The following ENAH variants were observed in gnomAD, a reference collection of about 807,000 sequenced individuals.
ENAH encodes protein enabled homolog.
A neutral mutation model predicts 78.7 loss-of-function variants in ENAH; 23 were observed. The observed-to-expected ratio is 0.29, with a 90% CI of 0.21 to 0.41. The LOEUF is 0.41. ENAH is among the 10% of genes least tolerant of loss of function. ENAH has a pLI of 1.00. For synonymous variants in ENAH, 226 were observed against 241.0 expected (o/e 0.94, Z 0.58); for missense variants, 544 against 691.0 (o/e 0.79, Z 2.39).
At chr1:225,639,922 C>T (rs1660735918) in intron 1 of ENAH, among the ~76,000 whole-genome samples, 1 of 152,156 alleles carries the variant, frequency 6.6e-6, no homozygotes, top group Non-Finnish European at 1.5e-5. Context: ...TCTACCTTAC[C>T]TCTGGACCTC....
intron 2 of ENAH, among the ~76,000 whole-genome samples, chr1:225,562,275 A>G (rs1003954751): frequency 3.3e-5 from 5 of 151,840 alleles, no homozygotes; most frequent in Admixed American, 2.0e-4. Flanking sequence ...GATATTCTAT[A>G]TAAAACCCAA....
At chr1:225,645,177 T>C (rs1331381472) in intron 1 of ENAH, among the ~76,000 whole-genome samples, 2 of 152,208 alleles carry the variant, frequency 1.3e-5, no homozygotes, top group African/African-American at 4.8e-5. Context: ...ATTCAAAATA[T>C]TAATCCAAAG....
At chr1:225,624,216 T>C (rs1342312031) in intron 1 of ENAH, among the ~76,000 whole-genome samples, 13 of 152,066 alleles carry the variant, frequency 8.5e-5, no homozygotes, top group East Asian at 1.9e-4. Context: ...GGCAGGAGAA[T>C]TGCTTAAGGC....
Position 225,520,547 on chromosome 1 carries a change from C to T in ENAH, c.435-982G>A, listed in dbSNP as rs940160233. Reference sequence around the variant, plus strand: ...TCCCGCTACTGTGAAATCTGCTTTCCTTTCTCTCACTTAATATATTGTGAA... The same window carrying T: ...TCCCGCTACTGTGAAATCTGCTTTCTTTTCTCTCACTTAATATATTGTGAA... On this transcript the variant is annotated intron_variant, in intron 4 of 13. Transcript: ENST00000366843. 7.9e-5 allele frequency among the ~76,000 whole-genome samples: 12 copies of T among 152,158 alleles called. No individual in the cohort carries two copies. In the East Asian group the frequency reaches 2.3e-3, roughly 30 times the overall value.
chr1:225,590,526 A>T (rs2096870489), intron 1 of ENAH, among the ~76,000 whole-genome samples: 1 of 152,178 alleles, frequency 6.6e-6, no homozygotes, highest in Admixed American at 6.5e-5. Flanking sequence ...AAACTCACAT[A>T]AACAGCTGCC....
At chr1:225,588,728 A>G (rs2096859687) in intron 1 of ENAH, among the ~76,000 whole-genome samples, 1 of 149,402 alleles carries the variant, frequency 6.7e-6, no homozygotes, top group African/African-American at 2.5e-5. Flanking sequence ...TCGCCTGAAC[A>G]TGGGAGGCGG....
At chr1:225,599,796 TAAA>T (rs34052384) in intron 1 of ENAH, among the ~76,000 whole-genome samples, 9 of 83,008 alleles carry the variant, frequency 1.1e-4, no homozygotes, top group East Asian at 6.3e-4. Context: ...GACTCCGTCT[TAAA>T]AAAAAAAAAA....
At chr1:225,574,329 G>A (rs1026148306) in intron 1 of ENAH, among the ~76,000 whole-genome samples, 14 of 152,112 alleles carry the variant, frequency 9.2e-5, no homozygotes, top group Admixed American at 5.9e-4. Flanking sequence ...GGCCAGGCGC[G>A]GTGGCTCACA....
chr1:225,623,306 C>G (rs578047883), intron 1 of ENAH, among the ~76,000 whole-genome samples: 3 of 152,242 alleles, frequency 2.0e-5, no homozygotes, highest in Admixed American at 1.3e-4. Flanking sequence ...TCCTCTAAGG[C>G]TGTTAGATTA....
chr1:225,511,651 A>G (rs527856103), intron 10 of ENAH, among the ~76,000 whole-genome samples, 160 bp downstream of exon 10: 88 of 152,340 alleles, frequency 5.8e-4, no homozygotes, highest in African/African-American at 2.1e-3. Flanking sequence ...AGCAGCTTCC[A>G]GGAGGAAAAA....
chr1:225,588,293 T>C (rs907640208), intron 1 of ENAH, among the ~76,000 whole-genome samples: 1 of 152,114 alleles, frequency 6.6e-6, no homozygotes, highest in Non-Finnish European at 1.5e-5. Context: ...TTTCTGAAAC[T>C]CCAACAACCA....
intron 12 of ENAH, among the ~76,000 whole-genome samples, chr1:225,499,667 G>A (rs1430857846): frequency 6.6e-6 from 1 of 152,056 alleles, no homozygotes; most frequent in Non-Finnish European, 1.5e-5. Context: ...GTGAGACTCT[G>A]TCTCAAAAAC....
At chr1:225,601,323 A>T (rs1320274481) in intron 1 of ENAH, among the ~76,000 whole-genome samples, 1 of 152,190 alleles carries the variant, frequency 6.6e-6, no homozygotes, top group African/African-American at 2.4e-5. Flanking sequence ...GATTGAGACC[A>T]TCCTGGCTAA....
Position 225,585,215 on chromosome 1 carries a change from CAAAAAAAAAAAA to C in ENAH, c.6-17813_6-17802del, listed in dbSNP as rs58586397. 1.4e-3 allele frequency among the ~76,000 whole-genome samples: 68 copies of C among 49,934 alleles called. 1 individual carries two copies. Among genetic ancestry groups the C allele is most frequent in the South Asian group, 3.8e-3 (3 of 784 alleles). The allele number at this position is 49,934 out of a possible 152,430, so 32.8% of individuals were successfully genotyped here. ...TGGGCGACGGAGTGATACCCTGTCT[CAAAAAAAAAAAA>C]AAAAAAAAAAAAAAAAAAAACAGAG... On this transcript the variant is annotated intron_variant, in intron 1 of 13. Transcript: ENST00000366843.
At chr1:225,557,111 T>A (rs1006538393) in intron 2 of ENAH, among the ~76,000 whole-genome samples, 1 of 152,218 alleles carries the variant, frequency 6.6e-6, no homozygotes, top group Non-Finnish European at 1.5e-5. Context: ...TTGGCTCTTC[T>A]CAGTCCTTTG....
At chr1:225,520,738 C>T (rs957644609) in intron 4 of ENAH, among the ~76,000 whole-genome samples, 1 of 152,092 alleles carries the variant, frequency 6.6e-6, no homozygotes, top group Non-Finnish European at 1.5e-5. Flanking sequence ...CACCTGTATT[C>T]CCAGCTACTT....
intron 12 of ENAH, among the ~76,000 whole-genome samples, chr1:225,499,405 C>G (rs759808979): frequency 6.6e-6 from 1 of 152,184 alleles, no homozygotes; most frequent in Non-Finnish European, 1.5e-5. Flanking sequence ...GGTGTGGTGG[C>G]TCACACCTGT....
chr1:225,541,494 G>T (rs2096588514), intron 3 of ENAH, among the ~76,000 whole-genome samples: 1 of 152,070 alleles, frequency 6.6e-6, no homozygotes, highest in Non-Finnish European at 1.5e-5. Context: ...ACAACCCTGT[G>T]AATATACTAA....
intron 11 of ENAH, 50 bp from the exon 12 acceptor site, chr1:225,501,120 A>C: frequency 1.4e-6 from 2 of 1,416,412 alleles, no homozygotes; most frequent in Non-Finnish European, 2.0e-6. Flanking sequence ...TTAATACTTA[A>C]TGAGTTCATA....
Sources: allele counts gnomAD v4.1 joint callset (sites outside exome capture counted in the v4.1 genomes callset), GRCh38; gene constraint gnomAD v4.1.1; transcripts MANE v1.5; gene names NCBI Gene and HGNC (gene_info 2026-07-23, HGNC 2026-07-21).